Variants in RUNX2 observed in about 807,000 individuals in gnomAD.
RUNX2 encodes runt-related transcription factor 2.
In RUNX2, 10 loss-of-function variants were observed where a neutral mutation model predicts 51.7. That is an observed-to-expected ratio of 0.19 (90% CI 0.12 to 0.33). The LOEUF is 0.33. Among genes scored for constraint, RUNX2 ranks in the 10% least tolerant of loss-of-function variants. The pLI is 1.00. For missense variants in RUNX2, 562 were observed against 691.3 expected (o/e 0.81, Z 2.10); for synonymous variants, 276 against 273.6 (o/e 1.01, Z -0.09).
chr6:45,335,126 TA>T (rs1788296154), intron 2 of RUNX2, among the ~76,000 whole-genome samples: 1 of 151,214 alleles, frequency 6.6e-6, no homozygotes, highest in Non-Finnish European at 1.5e-5. Flanking sequence ...GTAACCTGGG[TA>T]AACAATTTAA....
At chr6:45,375,102 G>C (rs981979541) in intron 2 of RUNX2, among the ~76,000 whole-genome samples, 1 of 152,216 alleles carries the variant, frequency 6.6e-6, no homozygotes, top group Non-Finnish European at 1.5e-5. Context: ...AGCTACTCGG[G>C]AGGCTGAGGC....
At chr6:45,403,787 A>G (rs1471303113) in intron 2 of RUNX2, among the ~76,000 whole-genome samples, 1 of 152,226 alleles carries the variant, frequency 6.6e-6, no homozygotes, top group African/African-American at 2.4e-5. Context: ...GGAAGAGGGA[A>G]GACAGAATAT....
chr6:45,359,020 A>G (rs1040950121), intron 2 of RUNX2, among the ~76,000 whole-genome samples: 1 of 152,150 alleles, frequency 6.6e-6, no homozygotes, highest in Non-Finnish European at 1.5e-5. Context: ...TTACTCAAAT[A>G]ACTTCATCTA....
At chr6:45,461,068 G>A (rs977376686) in intron 5 of RUNX2, among the ~76,000 whole-genome samples, 1 of 152,188 alleles carries the variant, frequency 6.6e-6, no homozygotes, top group African/African-American at 2.4e-5. Context: ...CACAGGGAAG[G>A]GAAAGACCAG....
intron 2 of RUNX2, among the ~76,000 whole-genome samples, chr6:45,372,825 C>T (rs1796270614): frequency 1.3e-5 from 2 of 151,850 alleles, no homozygotes; most frequent in Admixed American, 1.3e-4. Flanking sequence ...AGCTCAGCTA[C>T]ATTTTTTTTT....
chr6:45,415,079 C>A (rs1285267083), intron 2 of RUNX2, among the ~76,000 whole-genome samples: 1 of 151,950 alleles, frequency 6.6e-6, no homozygotes, highest in African/African-American at 2.4e-5. Context: ...TATAATTACC[C>A]CAGTGGAGTG....
At chr6:45,512,800 T>G (rs112322525) in intron 7 of RUNX2, among the ~76,000 whole-genome samples, 3,088 of 152,084 alleles carry the variant, frequency 0.02, 104 homozygotes, top group African/African-American at 0.071. Context: ...GGCACAGCCC[T>G]CCATTCCTAA....
intron 6 of RUNX2, among the ~76,000 whole-genome samples, chr6:45,502,411 A>G (rs957001492): frequency 2.6e-5 from 4 of 152,210 alleles, no homozygotes; most frequent in African/African-American, 4.8e-5. Context: ...GCACATAATC[A>G]CATCACCTGG....
rs1304332427 is a variant in RUNX2 at position 45,392,775 on chromosome 6, C to G, written c.59-29818C>G. 2.0e-5 allele frequency among the ~76,000 whole-genome samples: 3 copies of G among 151,598 alleles called. No individual in the cohort carries two copies. In the East Asian group the frequency reaches 5.8e-4, roughly 30 times the overall value. ...CTTCCTAGTCTAAGGTTTAGTGTCT[C>G]TCATTCATTTTGGAAAATTCTCAGC... On this transcript the variant is annotated intron_variant, in intron 2 of 8. Transcript: ENST00000647337.
At chr6:45,482,195 T>C (rs535446121) in intron 5 of RUNX2, among the ~76,000 whole-genome samples, 1 of 152,366 alleles carries the variant, frequency 6.6e-6, no homozygotes, top group Non-Finnish European at 1.5e-5. Flanking sequence ...ATCCAATCTT[T>C]TTAAAAAATT....
intron 2 of RUNX2, among the ~76,000 whole-genome samples, chr6:45,384,246 CA>C (rs1267621446): frequency 9.2e-5 from 14 of 151,420 alleles, no homozygotes; most frequent in African/African-American, 3.4e-4. Context: ...TATTGTTTTC[CA>C]GGGGTGGGGG....
At chr6:45,477,616 C>T (rs748106758) in intron 5 of RUNX2, among the ~76,000 whole-genome samples, 1 of 152,318 alleles carries the variant, frequency 6.6e-6, no homozygotes, top group Non-Finnish European at 1.5e-5. Context: ...TTCCACTGTA[C>T]TGTTGTCTGT....
intron 2 of RUNX2, among the ~76,000 whole-genome samples, chr6:45,340,602 G>C (rs1461224896): frequency 6.6e-6 from 1 of 151,858 alleles, no homozygotes; most frequent in East Asian, 1.9e-4. Context: ...GAGATTATAA[G>C]CATAAGCCAC....
Position 45,422,487 on chromosome 6 carries a change from C to G in RUNX2, c.59-106C>G, listed in dbSNP as rs565491755. The G allele has an allele frequency of 7.5e-4, 316 of 421,852 alleles. 7 individuals carry two copies. Among genetic ancestry groups the G allele is most frequent in the South Asian group, 6.9e-3 (310 of 45,036 alleles). The allele number at this position is 421,852 out of a possible 1,614,324, so 26.1% of individuals were successfully genotyped here. ...TCACCTCCATCCTCTTTCCCCCCGT[C>G]TCGCCTTCACCCCCCCAATTTCCTC... is the stretch of plus-strand genomic sequence containing the variant. On this transcript the variant is annotated intron_variant, in intron 2 of 8. Coordinates refer to ENST00000647337, the MANE Select transcript of RUNX2 (RefSeq NM_001024630.4).
chr6:45,414,033 T>A (rs77252578), intron 2 of RUNX2, among the ~76,000 whole-genome samples: 12,171 of 152,084 alleles, frequency 0.08, 714 homozygotes, highest in South Asian at 0.18. Context: ...AAACAAAATA[T>A]CAAAGTATTA....
Position 45,495,516 on chromosome 6 carries a change from T to C in RUNX2, c.859+3402T>C, listed in dbSNP as rs56696552. The stretch of plus-strand genomic sequence containing the variant: ...TTAAATTCTTGCCTGTAATGGATTT[T>C]GTAACTTCTTTGCAATATGCCATAT... On this transcript the variant is annotated intron_variant, in intron 6 of 8. Transcript: ENST00000647337. 3.3e-3 allele frequency among the ~76,000 whole-genome samples: 498 copies of C among 152,334 alleles called. 2 individuals are homozygous for C. The highest frequency in any genetic ancestry group is 0.011 in the African/African-American group (441 of 41,572).
At chr6:45,420,971 T>C (rs891008104) in intron 2 of RUNX2, 1 of 152,212 alleles carries the variant, frequency 6.6e-6, no homozygotes, top group Non-Finnish European at 1.5e-5. Context: ...AGTGCCGCTT[T>C]TTTTCCGCGC....
At position 45,346,320 on chromosome 6, in the gene RUNX2, A is replaced by G. The variant is rs1224357972; in HGVS notation, c.58+17536A>G. Among the ~76,000 whole-genome samples, 39 of 152,110 alleles carry G rather than the reference A, an allele frequency of 2.6e-4. 1 individual carries two copies. Among genetic ancestry groups the G allele is most frequent in the Non-Finnish European group, 4.4e-5 (3 of 68,014 alleles). On this transcript the variant is annotated intron_variant, in intron 2 of 8. Coordinates refer to ENST00000647337, the MANE Select transcript of RUNX2 (RefSeq NM_001024630.4). ...ATGCTATGAGAAAGCCCAATAAATA[A>G]AATAGATTTTTAAAGGAGTCTACAG...
intron 2 of RUNX2, among the ~76,000 whole-genome samples, chr6:45,386,295 G>A (rs569577933): frequency 1.8e-3 from 279 of 152,226 alleles, no homozygotes; most frequent in Non-Finnish European, 3.4e-3. Context: ...TCAAACTGCC[G>A]ACCTCAGGTG....
Sources: gnomAD v4.1 joint callset for allele counts (sites outside exome capture counted in the v4.1 genomes callset) on GRCh38, gnomAD v4.1.1 for gene constraint, MANE v1.5 for transcripts, NCBI Gene and HGNC (gene_info 2026-07-23, HGNC 2026-07-21) for gene names.